Variants in LRP1B observed in about 807,000 individuals in gnomAD.
LRP1B encodes the protein low-density lipoprotein receptor-related protein 1B.
Under a neutral mutation model 556.6 loss-of-function variants are expected in LRP1B, and 217 were observed. That is an observed-to-expected ratio of 0.39 (90% CI 0.35 to 0.44). The LOEUF (loss-of-function observed/expected upper bound fraction) is 0.44, where lower values mean the gene tolerates loss of function less well. Ranked by LOEUF, LRP1B falls within the 20% of genes least tolerant of loss-of-function variation. LRP1B has a pLI of 1.00. For synonymous variants in LRP1B, 2,047 were observed against 1,865.8 expected (o/e 1.10, Z -2.50); for missense variants, 5,053 against 5,620.8 (o/e 0.90, Z 3.23).
intron 2 of LRP1B, among the ~76,000 whole-genome samples, chr2:141,702,721 G>A (rs1185680072): frequency 1.3e-5 from 2 of 151,832 alleles, no homozygotes; most frequent in Non-Finnish European, 2.9e-5. Flanking sequence ...TGAAAAAAAA[G>A]TCAAGATGCA....
chr2:140,646,958 T>C (rs2105311646), intron 41 of LRP1B, among the ~76,000 whole-genome samples: 1 of 152,172 alleles, frequency 6.6e-6, no homozygotes, highest in Non-Finnish European at 1.5e-5. Context: ...AAATATTACT[T>C]TCTCAATGTT....
chr2:140,609,020 T>C (rs1224177550), intron 41 of LRP1B, among the ~76,000 whole-genome samples: 2 of 152,180 alleles, frequency 1.3e-5, no homozygotes, highest in Non-Finnish European at 2.9e-5. Flanking sequence ...CATGAAAAGA[T>C]TGAACATATA....
In LRP1B at chr2:140,457,763, T is replaced by A. The variant is rs1427816275; in HGVS notation, c.9626-112A>T. ...CTGCTACATAACTTCGTGTGAATAATTGCTGTGACAACCTGTCAGGCCAGC... is the reference window on the plus strand; with the variant it reads ...CTGCTACATAACTTCGTGTGAATAAATGCTGTGACAACCTGTCAGGCCAGC... On this transcript the variant is annotated intron_variant, in intron 60 of 90. Transcript: ENST00000389484. 3 of 846,214 alleles carry A rather than the reference T, an allele frequency of 3.5e-6. No homozygotes were observed. In the African/African-American group the frequency reaches 5.1e-5, roughly 14 times the overall value. The allele number at this position is 846,214 out of a possible 1,614,324, so 52.4% of individuals were successfully genotyped here. A position where few individuals can be genotyped will look rare whatever the true frequency, so the allele number is the denominator to read the frequency against.
rs923660362 is a variant in LRP1B at position 141,045,433 on chromosome 2, TA to T, written c.1789+3552del. ...CTTAAAGTGTAATAATAAAAATAAA[TA>T]AATTAATTAATTAATTAAAAAAAAA... On this transcript the variant is annotated intron_variant, in intron 11 of 90. Transcript: ENST00000389484. Among the ~76,000 whole-genome samples the T allele has an allele frequency of 3.0e-3, 263 of 87,346 alleles. 5 individuals carry two copies. The highest frequency in any genetic ancestry group is 0.01 in the African/African-American group (259 of 25,590). The allele number at this position is 87,346 out of a possible 152,430, so 57.3% of individuals were successfully genotyped here.
chr2:140,306,041 T>G (rs939349900), intron 83 of LRP1B, among the ~76,000 whole-genome samples: 17 of 141,246 alleles, frequency 1.2e-4, no homozygotes, highest in African/African-American at 3.8e-4. Context: ...GATGTGCTGC[T>G]GGATTTGGTT....
At chr2:141,745,435 G>A (rs1007832465) in intron 2 of LRP1B, among the ~76,000 whole-genome samples, 2 of 152,082 alleles carry the variant, frequency 1.3e-5, no homozygotes, top group African/African-American at 4.8e-5. Flanking sequence ...TCCACTGGCA[G>A]AGGAGCCTCA....
intron 18 of LRP1B, among the ~76,000 whole-genome samples, chr2:140,963,004 C>A (rs905982101): frequency 1.1e-4 from 16 of 152,000 alleles, no homozygotes; most frequent in Admixed American, 9.2e-4. Flanking sequence ...AGGTTTAGAC[C>A]TTACATATGC....
chr2:141,373,517 G>T (rs1290146847), intron 3 of LRP1B, among the ~76,000 whole-genome samples: 1 of 151,948 alleles, frequency 6.6e-6, no homozygotes, highest in Non-Finnish European at 1.5e-5. Context: ...TGAATCTGGG[G>T]ACTCCAGTGT....
At chr2:140,955,554 AC>A (rs1335988895) in intron 18 of LRP1B, among the ~76,000 whole-genome samples, 42 of 151,914 alleles carry the variant, frequency 2.8e-4, no homozygotes, top group Non-Finnish European at 5.3e-4. Context: ...GGAAAAGAAA[AC>A]TATATTTTAT....
chr2:141,713,204 T>A (rs16846937), intron 2 of LRP1B, among the ~76,000 whole-genome samples: 13,121 of 151,964 alleles, frequency 0.086, 1,051 homozygotes, highest in African/African-American at 0.2. Flanking sequence ...GTGAATTTTT[T>A]AAAGGCCTTT....
intron 2 of LRP1B, among the ~76,000 whole-genome samples, chr2:141,527,941 G>A (rs1034154428): frequency 6.6e-6 from 1 of 151,918 alleles, no homozygotes; most frequent in African/African-American, 2.4e-5. Flanking sequence ...CCTCCTACAT[G>A]TTTTCCTCTG....
intron 35 of LRP1B, among the ~76,000 whole-genome samples, chr2:140,756,498 G>A (rs1688744768): frequency 6.6e-6 from 1 of 152,024 alleles, no homozygotes; most frequent in Admixed American, 6.5e-5. Flanking sequence ...ATAGATCAAT[G>A]AGATAGAATT....
chr2:141,774,485 T>C (rs759936472), intron 2 of LRP1B, among the ~76,000 whole-genome samples: 1 of 152,106 alleles, frequency 6.6e-6, no homozygotes, highest in Non-Finnish European at 1.5e-5. Flanking sequence ...TCATGAGGGA[T>C]CTGCTCCCAT....
intron 7 of LRP1B, among the ~76,000 whole-genome samples, chr2:141,109,038 T>C (rs575334938): frequency 7.8e-4 from 119 of 152,308 alleles, no homozygotes; most frequent in Middle Eastern, 3.4e-3. Context: ...ATAATTCCTG[T>C]AAATAACACC....
chr2:140,257,018 G>T (rs1259645891), intron 86 of LRP1B, among the ~76,000 whole-genome samples: 1 of 151,758 alleles, frequency 6.6e-6, no homozygotes, highest in Admixed American at 6.6e-5. Context: ...TTAACATGAT[G>T]GCTTTTTCTG....
intron 20 of LRP1B, among the ~76,000 whole-genome samples, chr2:140,945,750 T>G (rs1695524174): frequency 6.6e-6 from 1 of 152,238 alleles, no homozygotes; most frequent in Admixed American, 6.5e-5. Flanking sequence ...CTTTAAACTA[T>G]AAAAATCCTA....
chr2:141,816,057 G>C (rs1190177788), intron 1 of LRP1B, among the ~76,000 whole-genome samples: 1 of 152,164 alleles, frequency 6.6e-6, no homozygotes, highest in African/African-American at 2.4e-5. Flanking sequence ...TTGACAGTTG[G>C]ATGTTTTCTT....
At chr2:140,847,128 T>C (rs2220257) in intron 29 of LRP1B, among the ~76,000 whole-genome samples, 120,991 of 152,080 alleles carry the variant, frequency 0.8, 48,675 homozygotes, top group Non-Finnish European at 0.86. Flanking sequence ...CAGCCTAGTC[T>C]AGGCTTCTGA....
chr2:140,585,898 A>G (rs1298456661), intron 43 of LRP1B, among the ~76,000 whole-genome samples: 1 of 152,160 alleles, frequency 6.6e-6, no homozygotes, highest in African/African-American at 2.4e-5. Flanking sequence ...CTCATGCCAT[A>G]TCATGTGTGT....
Sources: gnomAD v4.1 joint callset for allele counts (sites outside exome capture counted in the v4.1 genomes callset) on GRCh38, gnomAD v4.1.1 for gene constraint, MANE v1.5 for transcripts, NCBI Gene and HGNC (gene_info 2026-07-23, HGNC 2026-07-21) for gene names.